RASGRF2: variants seen among roughly 807,000 people sequenced by gnomAD.
RASGRF2 encodes Ras protein specific guanine nucleotide releasing factor 2.
Under a neutral mutation model 151.0 loss-of-function variants are expected in RASGRF2, and 76 were observed. That is an observed-to-expected ratio of 0.50 (90% confidence interval 0.42 to 0.61). The LOEUF is 0.61. RASGRF2 is among the 20% of genes least tolerant of loss of function. The pLI is 0.00. For missense variants in RASGRF2, 1,148 were observed against 1,564.6 expected (o/e 0.73, Z 4.49); for synonymous variants, 504 against 566.5 (o/e 0.89, Z 1.57).
rs1412266222 is a variant in RASGRF2, at chr5:81,182,577, T to G, written c.2793+2296T>G. 5.3e-5 allele frequency among the ~76,000 whole-genome samples: 8 copies of G among 152,316 alleles called. 1 individual carries two copies. The South Asian group carries it at 8.3e-4, about 16-fold the overall frequency. On this transcript the variant is annotated intron_variant, in intron 18 of 26. Transcript: ENST00000265080. ...TCACTTATGGCTGCCCAGTAATCAT[T>G]TGGCCTCCACAATGGGTGGTTTGAG... is the stretch of plus-strand genomic sequence containing the variant.
chr5:81,063,850 C>T (rs1031752629), intron 2 of RASGRF2, among the ~76,000 whole-genome samples: 4 of 152,074 alleles, frequency 2.6e-5, no homozygotes, highest in African/African-American at 9.7e-5. Flanking sequence ...CCATGGCAGC[C>T]TCTTTTTGCC....
At chr5:81,086,544 C>T (rs760051328) in intron 8 of RASGRF2, among the ~76,000 whole-genome samples, 1 of 152,172 alleles carries the variant, frequency 6.6e-6, no homozygotes, top group Non-Finnish European at 1.5e-5. Flanking sequence ...ATCTCAATGA[C>T]GGGAACTGGC....
chr5:81,156,607 A>G (rs537387149), intron 17 of RASGRF2, among the ~76,000 whole-genome samples: 97 of 152,324 alleles, frequency 6.4e-4, no homozygotes, highest in African/African-American at 2.3e-3. Flanking sequence ...TGATTATCTT[A>G]AAATAGATAA....
At position 81,178,863 on chromosome 5, in the gene RASGRF2, C is replaced by T. The variant is rs566946132; in HGVS notation, c.2687-1312C>T. On this transcript the variant is annotated intron_variant, in intron 17 of 26. Transcript: ENST00000265080. ...ACGCCATTCTCCTGCCTCAGCCTCC[C>T]GAGAGGCTGGGACTACAGGCGCCCG... Among the ~76,000 whole-genome samples, 65 of 152,246 alleles carry T rather than the reference C, an allele frequency of 4.3e-4. 1 individual carries two copies. In the South Asian group the frequency reaches 0.012, roughly 29 times the overall value.
At chr5:81,104,440 A>T (rs1296255856) in intron 12 of RASGRF2, among the ~76,000 whole-genome samples, 2 of 152,094 alleles carry the variant, frequency 1.3e-5, no homozygotes, top group Non-Finnish European at 2.9e-5. Flanking sequence ...TAATTTATTT[A>T]AAAAATAAAT....
chr5:81,186,367 A>G (rs1052777713), intron 18 of RASGRF2, among the ~76,000 whole-genome samples: 6 of 152,050 alleles, frequency 3.9e-5, no homozygotes, highest in South Asian at 2.1e-4. Flanking sequence ...CCCATGCTCT[A>G]TTAGTTTTAG....
intron 18 of RASGRF2, among the ~76,000 whole-genome samples, chr5:81,187,210 A>G (rs1480439790): frequency 3.3e-5 from 5 of 152,200 alleles, no homozygotes; most frequent in Admixed American, 1.3e-4. Flanking sequence ...GAAATGTTCT[A>G]TGTCATGGTG....
chr5:80,988,386 G>C (rs1315910645), intron 1 of RASGRF2, among the ~76,000 whole-genome samples: 2 of 152,174 alleles, frequency 1.3e-5, no homozygotes, highest in East Asian at 3.9e-4. Flanking sequence ...AGTCCTTTTA[G>C]CCAAGGACCA....
chr5:81,077,762 G>A (rs1298764038), intron 5 of RASGRF2, among the ~76,000 whole-genome samples: 1 of 152,198 alleles, frequency 6.6e-6, no homozygotes, highest in African/African-American at 2.4e-5. Context: ...GAACTGGAGA[G>A]GGTGGGTATT....
chr5:81,215,384 C>T (rs986589722), intron 23 of RASGRF2, among the ~76,000 whole-genome samples: 10 of 151,550 alleles, frequency 6.6e-5, no homozygotes, highest in Non-Finnish European at 1.2e-4. Flanking sequence ...GATTCTCCTG[C>T]CTCAGCCTCC....
intron 12 of RASGRF2, among the ~76,000 whole-genome samples, chr5:81,105,864 CA>C (rs1311757320): frequency 3.9e-5 from 6 of 152,190 alleles, no homozygotes; most frequent in Non-Finnish European, 7.3e-5. Context: ...GTTTTGTCCC[CA>C]TCAGGATTAG....
At chr5:81,087,244 C>T in intron 9 of RASGRF2, 1 of 703,080 alleles carries the variant, frequency 1.4e-6, no homozygotes, top group Non-Finnish European at 2.6e-6. Flanking sequence ...CAAGGAGGAC[C>T]GGTCGGCCTG....
intron 22 of RASGRF2, among the ~76,000 whole-genome samples, chr5:81,209,770 CT>C (rs1178717185): frequency 6.6e-6 from 1 of 152,178 alleles, no homozygotes; most frequent in Non-Finnish European, 1.5e-5. Context: ...CATGTCTCCT[CT>C]GCTGGGACGA....
At chr5:81,105,664 G>A (rs1160174303) in intron 12 of RASGRF2, among the ~76,000 whole-genome samples, 1 of 152,180 alleles carries the variant, frequency 6.6e-6, no homozygotes, top group Non-Finnish European at 1.5e-5. Flanking sequence ...TTACCCAAGG[G>A]GCTTCCTCAG....
At chr5:80,973,686 A>G (rs1384201809) in intron 1 of RASGRF2, among the ~76,000 whole-genome samples, 3 of 152,198 alleles carry the variant, frequency 2.0e-5, no homozygotes, top group Non-Finnish European at 1.5e-5. Flanking sequence ...GGTCTCTATG[A>G]TACTCCATAA....
chr5:81,021,330 A>G (rs1561558915), intron 1 of RASGRF2, among the ~76,000 whole-genome samples: 1 of 149,826 alleles, frequency 6.7e-6, no homozygotes, highest in Non-Finnish European at 1.5e-5. Context: ...ATGCTTAGAT[A>G]TACAAATAAA....
At chr5:81,211,442 C>A (rs1429337313) in intron 22 of RASGRF2, among the ~76,000 whole-genome samples, 1 of 152,222 alleles carries the variant, frequency 6.6e-6, no homozygotes, top group Non-Finnish European at 1.5e-5. Context: ...AGAACTTCTT[C>A]ATCGAAATTA....
At chr5:81,151,683 T>C (rs1055625783) in intron 17 of RASGRF2, among the ~76,000 whole-genome samples, 4 of 152,190 alleles carry the variant, frequency 2.6e-5, no homozygotes, top group Non-Finnish European at 5.9e-5. Context: ...AAGAGTTCTT[T>C]GAGACTTCCT....
chr5:81,151,823 C>T (rs1754142380), intron 17 of RASGRF2, among the ~76,000 whole-genome samples: 1 of 152,160 alleles, frequency 6.6e-6, no homozygotes, highest in Admixed American at 6.5e-5. Context: ...GTGCTATGAT[C>T]ATGTATATGT....
Sources: gnomAD v4.1 joint callset for allele counts (sites outside exome capture counted in the v4.1 genomes callset) on GRCh38, gnomAD v4.1.1 for gene constraint, MANE v1.5 for transcripts, NCBI Gene and HGNC (gene_info 2026-07-23, HGNC 2026-07-21) for gene names.